Variants in DLGAP2 observed in about 807,000 individuals in gnomAD.
DLGAP2 encodes disks large-associated protein 2.
A neutral mutation model predicts 100.3 loss-of-function variants in DLGAP2; 26 were observed. The ratio of observed to expected loss-of-function variants is 0.26; its 90% CI spans 0.19 to 0.36. DLGAP2 has a LOEUF of 0.36. Among genes scored for constraint, DLGAP2 ranks in the 10% least tolerant of loss-of-function variants. The pLI, the probability that DLGAP2 is intolerant of heterozygous loss-of-function variation, is 1.00. For missense variants in DLGAP2, 1,858 were observed against 1,453.2 expected (o/e 1.28, Z -4.53); for synonymous variants, 886 against 630.1 (o/e 1.41, Z -6.08).
At chr8:745,523 G>T (rs189340519) in intron 1 of DLGAP2, among the ~76,000 whole-genome samples, 1 of 152,296 alleles carries the variant, frequency 6.6e-6, no homozygotes, top group Non-Finnish European at 1.5e-5. Context: ...AAGAGTCGCA[G>T]CACTCAATTT....
intron 2 of DLGAP2, among the ~76,000 whole-genome samples, chr8:1,007,962 C>G (rs1004300666): frequency 1.3e-5 from 2 of 152,174 alleles, no homozygotes; most frequent in Non-Finnish European, 2.9e-5. Context: ...ACAGGACGCC[C>G]TCCATAAAGA....
intron 2 of DLGAP2, among the ~76,000 whole-genome samples, chr8:1,147,676 C>G (rs1796631609): frequency 6.6e-6 from 1 of 151,882 alleles, no homozygotes; most frequent in Non-Finnish European, 1.5e-5. Flanking sequence ...AGACTAAAGG[C>G]AAGTTCCACC....
intron 1 of DLGAP2, among the ~76,000 whole-genome samples, chr8:811,484 A>T (rs2132671098): frequency 1.5e-5 from 2 of 129,808 alleles, no homozygotes; most frequent in African/African-American, 6.0e-5. Context: ...CTGGGGGCTC[A>T]GCCAGGGCTC....
At chr8:949,372 C>T (rs1465283393) in intron 2 of DLGAP2, among the ~76,000 whole-genome samples, 1 of 152,162 alleles carries the variant, frequency 6.6e-6, no homozygotes, top group Non-Finnish European at 1.5e-5. Context: ...CAGCTGTAGA[C>T]AGTGTTTAGA....
At chr8:1,653,827 T>C (rs1478471041) in intron 8 of DLGAP2, among the ~76,000 whole-genome samples, 1 of 152,196 alleles carries the variant, frequency 6.6e-6, no homozygotes, top group Non-Finnish European at 1.5e-5. Context: ...GATCAAGCTT[T>C]ATGGGAGACG....
At chr8:851,659 G>A (rs1797184573) in intron 1 of DLGAP2, among the ~76,000 whole-genome samples, 1 of 152,156 alleles carries the variant, frequency 6.6e-6, no homozygotes, top group East Asian at 1.9e-4. Flanking sequence ...TCCAGCTGCC[G>A]AATTGCTCAG....
intron 2 of DLGAP2, among the ~76,000 whole-genome samples, chr8:950,045 G>A (rs1411930289): frequency 6.6e-6 from 1 of 152,162 alleles, no homozygotes; most frequent in East Asian, 1.9e-4. Context: ...CTTCTCCAGG[G>A]GACCCAGGTC....
chr8:820,094 G>T (rs1796556632), intron 1 of DLGAP2, among the ~76,000 whole-genome samples: 2 of 152,096 alleles, frequency 1.3e-5, no homozygotes, highest in South Asian at 4.2e-4. Flanking sequence ...GTTTTATGTG[G>T]GTAACATTTT....
chr8:772,562 G>T (rs1821392637), intron 1 of DLGAP2, among the ~76,000 whole-genome samples: 1 of 151,460 alleles, frequency 6.6e-6, no homozygotes. Context: ...GCCTCAGGTG[G>T]TCTGCCTGCC....
intron 6 of DLGAP2, among the ~76,000 whole-genome samples, chr8:1,618,704 C>T (rs1281689148): frequency 6.6e-6 from 1 of 152,190 alleles, no homozygotes; most frequent in Non-Finnish European, 1.5e-5. Context: ...AAAAGGGTCT[C>T]TCAGCCTCAG....
intron 3 of DLGAP2, among the ~76,000 whole-genome samples, chr8:1,320,589 G>A (rs555328968): frequency 1.3e-5 from 2 of 152,296 alleles, no homozygotes; most frequent in African/African-American, 2.4e-5. Flanking sequence ...TTCATGCTCA[G>A]CTCTCTCAAC....
At chr8:1,481,325 G>GTGA (rs1799086843) in intron 3 of DLGAP2, among the ~76,000 whole-genome samples, 1 of 152,084 alleles carries the variant, frequency 6.6e-6, no homozygotes, top group South Asian at 2.1e-4. Flanking sequence ...ACTGATGAGC[G>GTGA]TGACCGTTCA....
At chr8:1,455,434 G>C (rs141378496) in intron 3 of DLGAP2, among the ~76,000 whole-genome samples, 2 of 152,212 alleles carry the variant, frequency 1.3e-5, no homozygotes, top group East Asian at 3.9e-4. Context: ...CTCAGCTGTC[G>C]GGGAGAGAGC....
At chr8:1,597,694 C>G (rs1048594777) in intron 6 of DLGAP2, among the ~76,000 whole-genome samples, 29 of 152,260 alleles carry the variant, frequency 1.9e-4, no homozygotes, top group African/African-American at 7.0e-4. Context: ...TACAGGAATG[C>G]TTGTGATTTT....
chr8:1,252,298 G>C (rs1320723939), intron 2 of DLGAP2, among the ~76,000 whole-genome samples: 2 of 151,938 alleles, frequency 1.3e-5, no homozygotes, highest in African/African-American at 4.8e-5. Flanking sequence ...ACAATGTGGT[G>C]TTGTCATGTG....
At chr8:1,510,587 T>G (rs1390017692) in intron 4 of DLGAP2, among the ~76,000 whole-genome samples, 3 of 152,192 alleles carry the variant, frequency 2.0e-5, no homozygotes, top group African/African-American at 4.8e-5. Context: ...TTCTGGTGCC[T>G]TGGTCAATAT....
At chr8:1,043,179 G>GCA (rs1802413353) in intron 2 of DLGAP2, among the ~76,000 whole-genome samples, 3 of 127,064 alleles carry the variant, frequency 2.4e-5, no homozygotes, top group Non-Finnish European at 5.2e-5. Context: ...TGGTGGGTGT[G>GCA]GGTGGTGGGT....
At chr8:946,518 C>T (rs1248048911) in intron 2 of DLGAP2, among the ~76,000 whole-genome samples, 2 of 152,174 alleles carry the variant, frequency 1.3e-5, no homozygotes, top group African/African-American at 2.4e-5. Flanking sequence ...CCGCCTTGGC[C>T]TCCCAAAGTG....
chr8:858,713 G>C (rs772568796), intron 1 of DLGAP2, among the ~76,000 whole-genome samples: 1 of 151,262 alleles, frequency 6.6e-6, no homozygotes, highest in Non-Finnish European at 1.5e-5. Context: ...AGGGACATGT[G>C]TGATGCTCTC....
Sources: allele counts gnomAD v4.1 joint callset (sites outside exome capture counted in the v4.1 genomes callset), GRCh38; gene constraint gnomAD v4.1.1; transcripts MANE v1.5; gene names NCBI Gene and HGNC (gene_info 2026-07-23, HGNC 2026-07-21).